PRKCSH: variants seen among roughly 807,000 people sequenced by gnomAD.
PRKCSH encodes the protein PRKCSH beta subunit of glucosidase II, also known as glucosidase 2 subunit beta.
In PRKCSH, 42 loss-of-function variants were observed where a neutral mutation model predicts 79.7. That is an observed-to-expected ratio of 0.53 (90% CI 0.41 to 0.68). The LOEUF is 0.68. Ranked by LOEUF, PRKCSH falls within the 30% of genes least tolerant of loss-of-function variation. PRKCSH has a pLI of 0.00. For synonymous variants in PRKCSH, 325 were observed against 288.2 expected (o/e 1.13, Z -1.29); for missense variants, 686 against 709.0 (o/e 0.97, Z 0.37).
chr19:11,435,654 C>T lies in PRKCSH; in HGVS notation c.-130C>T, dbSNP rs45450094. ...CGCTTTCTTTCTGCAGCAGGAACCG[C>T]GGCTGCTGGACAAGAGGGGTGCGGT... On this transcript the variant is annotated 5_prime_UTR_variant, in exon 1 of 18. Transcript: ENST00000677123. 12,043 of 1,286,194 alleles carry T rather than the reference C, an allele frequency of 9.4e-3. 76 individuals are homozygous for T. The highest frequency in any genetic ancestry group is 0.012 in the Middle Eastern group (56 of 4,648). The allele number at this position is 1,286,194 out of a possible 1,614,324, so 79.7% of individuals were successfully genotyped here. A position where few individuals can be genotyped will look rare whatever the true frequency, so the allele number is the denominator to read the frequency against.
At position 11,436,511 on chromosome 19, in the gene PRKCSH, C is replaced by T. The variant is rs1238389113; in HGVS notation, c.196+6C>T. ...AGATGGCTCTGACGAGCCAGGTGAG[C>T]CTTTTCTCTGTTCATCCATCAGATG... On this transcript the variant is annotated splice_donor_region_variant and intron_variant, in intron 3 of 17. Coordinates refer to ENST00000677123, the MANE Select transcript of PRKCSH (RefSeq NM_001289104.2). 12 of 1,600,848 alleles carry T rather than the reference C, an allele frequency of 7.5e-6. No homozygotes were observed. Among genetic ancestry groups the T allele is most frequent in the East Asian group, 2.2e-5 (1 of 44,788 alleles).
At position 11,447,663 on chromosome 19, in the gene PRKCSH, G is replaced by C. The variant is rs372663534; in HGVS notation, c.1030-30G>C. On this transcript the variant is annotated intron_variant, in intron 11 of 17. Transcript: ENST00000677123. The surrounding 1 kb of genome is among the most constrained non-coding windows in gnomAD (Gnocchi z 5.6). ...GTGGAGACAGAGAGGGTGGGGGAAG[G>C]GCTACTCACTGACCCTGCCCCTGCC... The C allele has an allele frequency of 1.1e-5, 18 of 1,566,256 alleles. No homozygotes were observed. Among genetic ancestry groups the C allele is most frequent in the Admixed American group, 1.9e-5 (1 of 53,764 alleles).
rs1449716171 is a variant in PRKCSH at position 11,446,348 on chromosome 19, C to T, written c.760C>T (p.Gln254Ter). 6.2e-7 allele frequency: 1 copy of T among 1,612,940 alleles called. No homozygotes were observed. Among genetic ancestry groups the T allele is most frequent in the Non-Finnish European group, 8.5e-7 (1 of 1,179,464 alleles). ...GDGALSEAEA[Q>*]ALLSGDTQTD... ...TGGGGCGTTGTCAGAAGCGGAAGCT[C>T]AGGTACCCCCGGCTGCCCCTTGGTT... Residue 254 changes from glutamine to a stop codon, truncating the protein, a stop_gained and splice_region_variant, in exon 9 of 18, where the codon CAG becomes TAG. Transcript: ENST00000677123. LOFTEE classifies it high-confidence loss of function.
intron 5 of PRKCSH, among the ~76,000 whole-genome samples, chr19:11,439,585 C>T (rs1969951982): frequency 1.4e-5 from 2 of 142,910 alleles, no homozygotes; most frequent in African/African-American, 2.6e-5. Flanking sequence ...TGAGACCCGT[C>T]TCAGAAAAAT....
chr19:11,442,033 A>G (rs139037095), intron 6 of PRKCSH, among the ~76,000 whole-genome samples: 2 of 152,244 alleles, frequency 1.3e-5, no homozygotes, highest in Non-Finnish European at 2.9e-5. Flanking sequence ...GGAGTTAGCC[A>G]GGTAGAGTGT....
intron 6 of PRKCSH, among the ~76,000 whole-genome samples, chr19:11,442,064 T>C (rs2144824717): frequency 6.6e-6 from 1 of 152,338 alleles, no homozygotes; most frequent in Non-Finnish European, 1.5e-5. Flanking sequence ...AGGAACAGCA[T>C]GTTTGAAGAA....
intron 9 of PRKCSH, 27 bp downstream of exon 9, chr19:11,446,377 G>A (rs770296173): frequency 6.2e-7 from 1 of 1,604,554 alleles, no homozygotes; most frequent in Non-Finnish European, 8.5e-7. Flanking sequence ...CTTGGTTGGG[G>A]ACTTCTAGGG....
Position 11,447,595 on chromosome 19 carries a change from G to A in PRKCSH, c.1006G>A (p.Glu336Lys), listed in dbSNP as rs532240436. 34 of 1,592,018 alleles carry A rather than the reference G, an allele frequency of 2.1e-5. No individual in the cohort carries two copies. In the East Asian group the frequency reaches 5.7e-4, roughly 27 times the overall value. ...AEEEEEEEDS[E>K]VQGEQPKEAP... Reference sequence around the variant, plus strand: ...AGAAGAGGAGGAGGAGGAGGATTCCGAGGTGCAGGGGGAGCAGCCCAAGGT... The same window carrying A: ...AGAAGAGGAGGAGGAGGAGGATTCCAAGGTGCAGGGGGAGCAGCCCAAGGT... The change falls in exon 11 of 18, where the codon GAG (glutamate) becomes AAG (lysine). Residue 336 changes from glutamate to lysine, a missense_variant. Glu to Lys is a moderately conservative substitution (Grantham distance 56). Around this residue, in one of 2 missense-constraint regions of PRKCSH, gnomAD observed 549 missense variants for 520.2 expected, o/e 1.06. Coordinates refer to ENST00000677123, the MANE Select transcript of PRKCSH (RefSeq NM_001289104.2). This position sits in a 1 kb window ranked among gnomAD's most constrained non-coding sequence, Gnocchi z 5.6.
At chr19:11,450,050 T>A (rs1001513388) in intron 17 of PRKCSH, 14 of 153,480 alleles carry the variant, frequency 9.1e-5, no homozygotes, top group Non-Finnish European at 1.6e-4. Context: ...TTCCCTGTGT[T>A]AACCAGGTTG....
chr19:11,444,580 G>T (rs1228961022), intron 7 of PRKCSH, among the ~76,000 whole-genome samples: 1 of 152,214 alleles, frequency 6.6e-6, no homozygotes, highest in African/African-American at 2.4e-5. Context: ...AGAGGACCAA[G>T]CTGGAGCTTG....
chr19:11,443,264 A>G (rs1482733886), intron 7 of PRKCSH, among the ~76,000 whole-genome samples: 1 of 149,720 alleles, frequency 6.7e-6, no homozygotes, highest in African/African-American at 2.5e-5. Flanking sequence ...AGAAAAAATT[A>G]TGGCCGGGCA....
chr19:11,436,243 C>A lies in PRKCSH; in HGVS notation c.79+47C>A, dbSNP rs1345619695. On this transcript the variant is annotated intron_variant, in intron 2 of 17. Coordinates refer to ENST00000677123, the MANE Select transcript of PRKCSH (RefSeq NM_001289104.2). ...CCCGCCAGGCTGGAGGTGGGAGGGGCCAACATTGGGCCTTAGGGATAGGCA... is the reference window on the plus strand; with the variant it reads ...CCCGCCAGGCTGGAGGTGGGAGGGGACAACATTGGGCCTTAGGGATAGGCA... 3.1e-6 allele frequency: 5 copies of A among 1,599,284 alleles called. No homozygotes were observed. In the East Asian group the frequency reaches 1.1e-4, roughly 36 times the overall value.
rs1308678627 is a variant in PRKCSH at position 11,447,204 on chromosome 19, T to G, written c.849+44T>G. The stretch of plus-strand genomic sequence containing the variant: ...AGGGGACTTGGTCCTCCCACCACAC[T>G]GCCCCCACCCCGCCTCACAAAGGAG... On this transcript the variant is annotated intron_variant, in intron 10 of 17. Transcript: ENST00000677123. The surrounding 1 kb of genome is among the most constrained non-coding windows in gnomAD (Gnocchi z 5.6). The G allele has an allele frequency of 3.8e-6, 6 of 1,590,400 alleles. No individual in the cohort carries two copies. The highest frequency in any genetic ancestry group is 5.2e-6 in the Non-Finnish European group (6 of 1,160,624).
Position 11,447,768 on chromosome 19 carries a change from C to T in PRKCSH, c.1105C>T (p.Gln369Ter). The T allele has an allele frequency of 6.3e-7, 1 of 1,586,754 alleles. No individual in the cohort carries two copies. Among genetic ancestry groups the T allele is most frequent in the Non-Finnish European group, 8.6e-7 (1 of 1,167,644 alleles). The change falls in exon 12 of 18, where the codon CAG becomes TAG. Residue 369 changes from glutamine to a stop codon, truncating the protein, a stop_gained. Coordinates refer to ENST00000677123, the MANE Select transcript of PRKCSH (RefSeq NM_001289104.2). LOFTEE classifies it high-confidence loss of function. This position sits in a 1 kb window ranked among gnomAD's most constrained non-coding sequence, Gnocchi z 5.6. Reference protein sequence around the residue: ...EEDKMPPYDEQTQAFIDAAQE... With the variant: ...EEDKMPPYDE ...AGACAAAATGCCGCCCTACGACGAG[C>T]AGACGCAGGCCTTCATCGATGGTGA... is the stretch of plus-strand genomic sequence containing the variant.
Position 11,447,866 on chromosome 19 carries a change from C to A in PRKCSH, c.1126+77C>A, listed in dbSNP as rs1599507085. 1 of 1,446,786 alleles carries A rather than the reference C, an allele frequency of 6.9e-7. No individual in the cohort carries two copies. The highest frequency in any genetic ancestry group is 2.5e-5 in the East Asian group (1 of 40,202). 89.6% of individuals were successfully genotyped at this position (1,446,786 alleles called of 1,614,324 possible). A position where few individuals can be genotyped will look rare whatever the true frequency, so the allele number is the denominator to read the frequency against. On this transcript the variant is annotated intron_variant, in intron 12 of 17. Coordinates refer to ENST00000677123, the MANE Select transcript of PRKCSH (RefSeq NM_001289104.2). The surrounding 1 kb of genome is among the most constrained non-coding windows in gnomAD (Gnocchi z 5.6). ...GTGGTGGCACAGGTCGAGGGAAGAT[C>A]CTGAGCTTAGACCCTGCTCTGACTC...
intron 8 of PRKCSH, 141 bp downstream of exon 8, chr19:11,445,614 C>T: frequency 1.2e-6 from 1 of 824,344 alleles, no homozygotes; most frequent in East Asian, 2.7e-5. Flanking sequence ...CCCCGTGTGA[C>T]CCCGCCTCTT....
chr19:11,435,751 G>T lies in PRKCSH; in HGVS notation c.-78+45G>T, dbSNP rs1410459998. 4.4e-6 allele frequency: 6 copies of T among 1,364,624 alleles called. No individual in the cohort carries two copies. In the East Asian group the frequency reaches 2.1e-4, roughly 47 times the overall value. 84.5% of individuals were successfully genotyped at this position (1,364,624 alleles called of 1,614,324 possible). A position where few individuals can be genotyped will look rare whatever the true frequency, so the allele number is the denominator to read the frequency against. ...TGGGAGGGCACCTCAGTTTCTTACA[G>T]GGGGCAACCGGAGGGTGCATGTGTG... On this transcript the variant is annotated intron_variant, in intron 1 of 17. Transcript: ENST00000677123.
Position 11,447,216 on chromosome 19 carries a change from G to A in PRKCSH, c.849+56G>A, listed in dbSNP as rs983495765. The stretch of plus-strand genomic sequence containing the variant: ...CCTCCCACCACACTGCCCCCACCCC[G>A]CCTCACAAAGGAGCTGCCTCTGGTT... On this transcript the variant is annotated intron_variant, in intron 10 of 17. Transcript: ENST00000677123. This position sits in a 1 kb window ranked among gnomAD's most constrained non-coding sequence, Gnocchi z 5.6. The A allele has an allele frequency of 1.4e-5, 22 of 1,576,118 alleles. No homozygotes were observed. Among genetic ancestry groups the A allele is most frequent in the African/African-American group, 4.1e-5 (3 of 73,954 alleles).
Position 11,449,576 on chromosome 19 carries a change from TC to T in PRKCSH, c.*16+149del. 1 of 1,098,010 alleles carries T rather than the reference TC, an allele frequency of 9.1e-7. No individual in the cohort carries two copies. Among genetic ancestry groups the T allele is most frequent in the Non-Finnish European group, 1.3e-6 (1 of 768,904 alleles). 68.0% of individuals were successfully genotyped at this position (1,098,010 alleles called of 1,614,324 possible). ...TTGTTTTTTTGAGGTGGAGTCTCAC[TC>T]TTTGGCCCAGGCTGGAGTGCAGTGA... On this transcript the variant is annotated intron_variant, in intron 17 of 17. Coordinates refer to ENST00000677123, the MANE Select transcript of PRKCSH (RefSeq NM_001289104.2). This position sits in a 1 kb window ranked among gnomAD's most constrained non-coding sequence, Gnocchi z 6.4.
Sources: allele counts gnomAD v4.1 joint callset (sites outside exome capture counted in the v4.1 genomes callset), GRCh38; gene constraint gnomAD v4.1.1; regional missense constraint gnomAD v4.1.1; non-coding constraint Gnocchi (gnomAD v3.1); transcripts MANE v1.5; gene names NCBI Gene and HGNC (gene_info 2026-07-23, HGNC 2026-07-21).